MRTFB: variants seen among roughly 807,000 people sequenced by gnomAD.
MRTFB encodes the protein myocardin-related transcription factor B.
In MRTFB, 29 loss-of-function variants were observed where a neutral mutation model predicts 104.2. The ratio of observed to expected loss-of-function variants is 0.28; its 90% CI spans 0.21 to 0.38. The LOEUF (loss-of-function observed/expected upper bound fraction) is 0.38, where lower values mean the gene tolerates loss of function less well. Ranked by LOEUF, MRTFB falls within the 10% of genes least tolerant of loss-of-function variation. The pLI is 1.00. For synonymous variants in MRTFB, 535 were observed against 519.5 expected, an observed-to-expected ratio of 1.03 and a Z score of -0.41; for missense variants, 1,270 against 1,341.6, an observed-to-expected ratio of 0.95 and a Z score of 0.83.
chr16:14,006,619 G>A, the MRTFB span, among the ~76,000 whole-genome samples: 24 of 151,870 alleles, frequency 1.6e-4, no homozygotes, highest in Admixed American at 1.2e-3. Flanking sequence ...TTCTGCGTTC[G>A]CTGCCCTTGT....
the MRTFB span, among the ~76,000 whole-genome samples, chr16:14,002,779 G>C: frequency 6.6e-6 from 1 of 152,086 alleles, no homozygotes; most frequent in East Asian, 1.9e-4. Flanking sequence ...TTTCCAGGGG[G>C]AGATTCTGGG....
the MRTFB span, among the ~76,000 whole-genome samples, chr16:14,030,244 G>A: frequency 3.3e-5 from 5 of 152,150 alleles, no homozygotes; most frequent in Non-Finnish European, 7.4e-5. Flanking sequence ...GGACATTGAT[G>A]CCCACAGCGG....
At chr16:14,153,537 A>C (rs1274748791) in intron 3 of MRTFB, among the ~76,000 whole-genome samples, 1 of 152,242 alleles carries the variant, frequency 6.6e-6, no homozygotes, top group Non-Finnish European at 1.5e-5. Context: ...TTGCACCTTC[A>C]AAAAGTTGAA....
At chr16:14,119,987 G>T (rs1425892065) in intron 2 of MRTFB, among the ~76,000 whole-genome samples, 1 of 152,138 alleles carries the variant, frequency 6.6e-6, no homozygotes, top group East Asian at 1.9e-4. Flanking sequence ...TCATATTCTT[G>T]CCAAGACTTG....
intron 1 of MRTFB, among the ~76,000 whole-genome samples, chr16:14,073,513 G>A (rs909805197): frequency 3.3e-5 from 5 of 152,186 alleles, no homozygotes; most frequent in African/African-American, 9.7e-5. Flanking sequence ...AGTGTCTGAC[G>A]TACAAAAAGC....
At chr16:14,207,870 T>TG (rs1276471614) in intron 3 of MRTFB, among the ~76,000 whole-genome samples, 1 of 152,210 alleles carries the variant, frequency 6.6e-6, no homozygotes, top group Non-Finnish European at 1.5e-5. Flanking sequence ...TATAACTCAT[T>TG]GGTCAGAAGT....
At chr16:14,146,446 T>G (rs11646349) in intron 3 of MRTFB, among the ~76,000 whole-genome samples, 3,168 of 152,354 alleles carry the variant, frequency 0.021, 52 homozygotes, top group Admixed American at 0.039. Flanking sequence ...CCATTAAATT[T>G]ATCATACAGA....
chr16:14,136,034 G>A (rs1396651161), intron 2 of MRTFB, among the ~76,000 whole-genome samples: 1 of 152,178 alleles, frequency 6.6e-6, no homozygotes, highest in Admixed American at 6.5e-5. Flanking sequence ...ACTTTGGGAG[G>A]CCGAAGCGGG....
intron 13 of MRTFB, among the ~76,000 whole-genome samples, chr16:14,249,354 A>G (rs559106601): frequency 1.7e-4 from 26 of 152,354 alleles, no homozygotes; most frequent in African/African-American, 5.8e-4. Context: ...TTTGTTTTCA[A>G]TCCTCATATA....
intron 3 of MRTFB, among the ~76,000 whole-genome samples, chr16:14,189,832 G>GTTGC (rs1218397589): frequency 6.6e-6 from 1 of 152,180 alleles, no homozygotes; most frequent in Non-Finnish European, 1.5e-5. Context: ...TTCTCAAGTA[G>GTTGC]TTGCTTGCTT....
chr16:14,174,064 C>T (rs553234024), intron 3 of MRTFB, among the ~76,000 whole-genome samples: 1 of 151,828 alleles, frequency 6.6e-6, no homozygotes, highest in South Asian at 2.1e-4. Flanking sequence ...ACTTGTTTTC[C>T]CTGTGACTTA....
intron 2 of MRTFB, among the ~76,000 whole-genome samples, chr16:14,121,041 A>G (rs935371145): frequency 6.6e-6 from 1 of 152,058 alleles, no homozygotes; most frequent in African/African-American, 2.4e-5. Context: ...TTTTTGATTA[A>G]CTCTTCTTTA....
chr16:14,137,612 T>C (rs1391233379), intron 2 of MRTFB, among the ~76,000 whole-genome samples: 1 of 152,124 alleles, frequency 6.6e-6, no homozygotes, highest in Non-Finnish European at 1.5e-5. Context: ...TGAAAAAGTC[T>C]AGGAGTTGTA....
At chr16:14,063,710 C>A in the MRTFB span, among the ~76,000 whole-genome samples, 2 of 152,326 alleles carry the variant, frequency 1.3e-5, no homozygotes, top group Non-Finnish European at 2.9e-5. Flanking sequence ...CTCTGCCGCA[C>A]CCAGTGCTAG....
the MRTFB span, chr16:14,013,195 T>C: frequency 1.3e-5 from 2 of 152,322 alleles, no homozygotes; most frequent in Non-Finnish European, 1.5e-5. Context: ...GAGGCAGAGA[T>C]ACCGAGCTCC....
At chr16:14,113,036 T>A (rs57951383) in intron 2 of MRTFB, among the ~76,000 whole-genome samples, 8,789 of 152,314 alleles carry the variant, frequency 0.058, 493 homozygotes, top group East Asian at 0.29. Context: ...CTTTATTTTT[T>A]AATTTTTATT....
chr16:14,217,005 A>C, intron 6 of MRTFB, 121 bp from the exon 7 acceptor site: 1 of 975,014 alleles, frequency 1.0e-6, no homozygotes, highest in East Asian at 2.6e-5. Flanking sequence ...CTTTCCATAA[A>C]TATGTCGAGA....
At chr16:14,243,987 C>T (rs2042903571) in intron 10 of MRTFB, among the ~76,000 whole-genome samples, 1 of 151,916 alleles carries the variant, frequency 6.6e-6, no homozygotes, top group Non-Finnish European at 1.5e-5. Flanking sequence ...ACGCCATTCT[C>T]CTGCCTCAGC....
chr16:14,198,504 A>C (rs532516894), intron 3 of MRTFB, among the ~76,000 whole-genome samples: 2 of 152,356 alleles, frequency 1.3e-5, no homozygotes, highest in Non-Finnish European at 2.9e-5. Context: ...CCAGTGAATA[A>C]CTTGCCATGC....
Sources: allele counts gnomAD v4.1 joint callset (sites outside exome capture counted in the v4.1 genomes callset), GRCh38; gene constraint gnomAD v4.1.1; transcripts MANE v1.5; gene names NCBI Gene and HGNC (gene_info 2026-07-23, HGNC 2026-07-21).